The following USP15 variants were observed in gnomAD, a reference collection of about 807,000 sequenced individuals.
USP15 encodes ubiquitin specific peptidase 15.
USP15 carries 18 observed loss-of-function variants against 127.1 expected under a neutral mutation model. That is an observed-to-expected ratio of 0.14 (90% CI 0.10 to 0.21). USP15 has a LOEUF of 0.21. Among genes scored for constraint, USP15 ranks in the 10% least tolerant of loss-of-function variants. The pLI is 1.00. For synonymous variants in USP15, 364 were observed against 393.7 expected (o/e 0.92, Z 0.89); for missense variants, 805 against 1,159.9 (o/e 0.69, Z 4.44).
At chr12:62,354,109 T>A (rs1462294018) in intron 7 of USP15, among the ~76,000 whole-genome samples, 1 of 151,398 alleles carries the variant, frequency 6.6e-6, no homozygotes, top group Non-Finnish European at 1.5e-5. Context: ...TTGTGTGTTT[T>A]CTCTGGGGGT....
At position 62,381,609 on chromosome 12, in the gene USP15, G is replaced by T. The variant is rs368484528; in HGVS notation, c.1035G>T (p.Leu345=). ...RGEIAKSYAE[L]IKQMWSGKFS... ...AAATAGCTAAATCTTATGCCGAACTGATCAAGCAAATGTGGTCTGGAAAGT... is the reference window on the plus strand; with the variant it reads ...AAATAGCTAAATCTTATGCCGAACTTATCAAGCAAATGTGGTCTGGAAAGT... Residue 345 remains leucine, a synonymous_variant, in exon 9 of 22, where the codon CTG becomes CTT. Transcript: ENST00000280377. 6.2e-7 allele frequency: 1 copy of T among 1,612,822 alleles called. No homozygotes were observed. Among genetic ancestry groups the T allele is most frequent in the Admixed American group, 1.7e-5 (1 of 59,940 alleles).
chr12:62,363,521 A>AT (rs1421205944), intron 8 of USP15, among the ~76,000 whole-genome samples: 1 of 152,098 alleles, frequency 6.6e-6, no homozygotes, highest in East Asian at 1.9e-4. Flanking sequence ...TTAGGTCGCT[A>AT]TTATCTATCA....
At chr12:62,321,037 A>G (rs1286583662) in intron 4 of USP15, among the ~76,000 whole-genome samples, 1 of 152,120 alleles carries the variant, frequency 6.6e-6, no homozygotes, top group African/African-American at 2.4e-5. Context: ...TTTAATATAA[A>G]TTATTTTTAA....
At chr12:62,345,075 C>G (rs554271687) in intron 6 of USP15, among the ~76,000 whole-genome samples, 1 of 152,106 alleles carries the variant, frequency 6.6e-6, no homozygotes, top group Non-Finnish European at 1.5e-5. Flanking sequence ...GTACTTTTGC[C>G]GGCTTGAATT....
chr12:62,374,088 C>T (rs1481788886), intron 8 of USP15, among the ~76,000 whole-genome samples: 2 of 151,848 alleles, frequency 1.3e-5, no homozygotes, highest in East Asian at 1.9e-4. Context: ...ATTGACATGG[C>T]GAATATGAAA....
intron 19 of USP15, chr12:62,393,947 A>C (rs901525576): frequency 1.3e-5 from 2 of 152,248 alleles, no homozygotes; most frequent in Non-Finnish European, 2.9e-5. Flanking sequence ...AGGATAACAC[A>C]GTAGTGAAAT....
chr12:62,285,421 C>G (rs1362511593), intron 1 of USP15, among the ~76,000 whole-genome samples: 1 of 151,848 alleles, frequency 6.6e-6, no homozygotes, highest in East Asian at 1.9e-4. Context: ...AAAAACATGG[C>G]TTCCTTCTTT....
At chr12:62,350,273 T>C (rs2065930741) in intron 7 of USP15, among the ~76,000 whole-genome samples, 1 of 151,948 alleles carries the variant, frequency 6.6e-6, no homozygotes, top group Non-Finnish European at 1.5e-5. Flanking sequence ...ATAATTAAAT[T>C]AAAACACCAA....
chr12:62,401,411 A>G (rs895774862), intron 21 of USP15, 136 bp downstream of exon 21: 103 of 526,404 alleles, frequency 2.0e-4, no homozygotes, highest in Non-Finnish European at 3.0e-4. Flanking sequence ...ACTAACTCTT[A>G]TTTAAAGAAA....
intron 6 of USP15, chr12:62,336,502 C>T (rs1346704857): frequency 2.0e-6 from 2 of 984,376 alleles, no homozygotes; most frequent in Admixed American, 6.2e-5. Flanking sequence ...CCTTTACATT[C>T]TTGAAAATTA....
In USP15 at chr12:62,357,097, A is replaced by T. The variant is rs150427673; in HGVS notation, c.915+1622A>T. ...CCAATCTTGGTGCTTTTTCATAAAT[A>T]TTAATAAAATATTTCAACAACATAG... is the stretch of plus-strand genomic sequence containing the variant. On this transcript the variant is annotated intron_variant, in intron 8 of 21. Transcript: ENST00000280377. Among the ~76,000 whole-genome samples the T allele has an allele frequency of 1.8e-3, 278 of 152,138 alleles. 1 individual carries two copies. The highest frequency in any genetic ancestry group is 6.1e-3 in the African/African-American group (255 of 41,536).
chr12:62,283,491 G>A (rs772713344), intron 1 of USP15, among the ~76,000 whole-genome samples: 2 of 152,056 alleles, frequency 1.3e-5, no homozygotes, highest in Non-Finnish European at 2.9e-5. Flanking sequence ...AGAAAAATAG[G>A]CAATAGACAA....
chr12:62,326,401 C>G (rs564578485), intron 6 of USP15, among the ~76,000 whole-genome samples: 3 of 126,886 alleles, frequency 2.4e-5, no homozygotes, highest in Non-Finnish European at 5.3e-5. Flanking sequence ...AATTAGGAAT[C>G]TTTTTATCTG....
At chr12:62,298,075 C>T (rs186118442) in intron 2 of USP15, among the ~76,000 whole-genome samples, 69 of 152,190 alleles carry the variant, frequency 4.5e-4, no homozygotes, top group Admixed American at 1.6e-3. Flanking sequence ...AACTTGTAGA[C>T]GGATCATTTG....
intron 6 of USP15, among the ~76,000 whole-genome samples, chr12:62,342,218 G>T (rs2065668673): frequency 6.6e-6 from 1 of 151,830 alleles, no homozygotes; most frequent in African/African-American, 2.4e-5. Flanking sequence ...TGATACTTCT[G>T]TATGCTTCTC....
At chr12:62,315,673 C>G (rs925768098) in intron 4 of USP15, among the ~76,000 whole-genome samples, 1 of 151,968 alleles carries the variant, frequency 6.6e-6, no homozygotes, top group African/African-American at 2.4e-5. Flanking sequence ...CTTGTAGAAC[C>G]CAGCTTGGAA....
Position 62,274,639 on chromosome 12 carries a change from TCAAA to T in USP15, c.89+14147_89+14150del, listed in dbSNP as rs562195527. On this transcript the variant is annotated intron_variant, in intron 1 of 21. Coordinates refer to ENST00000280377, the MANE Select transcript of USP15 (RefSeq NM_001252078.2). ...CAGCCTGTGCAAGAGTAAGACCACC[TCAAA>T]CAAACAAACAGATAAATAAATGAAG... Among the ~76,000 whole-genome samples, 330 of 151,916 alleles carry T rather than the reference TCAAA, an allele frequency of 2.2e-3. 1 individual carries two copies. The highest frequency in any genetic ancestry group is 7.1e-3 in the African/African-American group (294 of 41,438).
intron 1 of USP15, among the ~76,000 whole-genome samples, chr12:62,281,203 T>C (rs998511724): frequency 2.0e-5 from 3 of 152,168 alleles, no homozygotes; most frequent in Non-Finnish European, 2.9e-5. Flanking sequence ...ATAAAATCTT[T>C]TCATTTATTT....
At chr12:62,315,122 G>A in intron 4 of USP15, 3 of 423,820 alleles carry the variant, frequency 7.1e-6, no homozygotes, top group Non-Finnish European at 1.1e-5. Context: ...TAACATTTGT[G>A]CTGTTTTGCT....
Sources: gnomAD v4.1 joint callset for allele counts (sites outside exome capture counted in the v4.1 genomes callset) on GRCh38, gnomAD v4.1.1 for gene constraint, MANE v1.5 for transcripts, NCBI Gene and HGNC (gene_info 2026-07-23, HGNC 2026-07-21) for gene names.